The following PDE8A variants were observed in gnomAD, a reference collection of about 807,000 sequenced individuals.
PDE8A encodes high affinity cAMP-specific and IBMX-insensitive 3',5'-cyclic phosphodiesterase 8A.
Under a neutral mutation model 105.0 loss-of-function variants are expected in PDE8A, and 59 were observed. The ratio of observed to expected loss-of-function variants is 0.56; its 90% CI spans 0.46 to 0.70. PDE8A has a LOEUF of 0.70. Among genes scored for constraint, PDE8A ranks in the 30% least tolerant of loss-of-function variants. The pLI is 0.00. For synonymous variants in PDE8A, 355 were observed against 371.9 expected (o/e 0.95, Z 0.52); for missense variants, 1,014 against 1,045.9 (o/e 0.97, Z 0.42).
In PDE8A at chr15:84,982,257, G is replaced by A. The variant is rs2079724973; in HGVS notation, c.95G>A (p.Arg32His). The A allele has an allele frequency of 2.1e-6, 3 of 1,454,630 alleles. No individual in the cohort carries two copies. Among genetic ancestry groups the A allele is most frequent in the Non-Finnish European group, 1.8e-6 (2 of 1,111,822 alleles). 90.1% of individuals were successfully genotyped at this position (1,454,630 alleles called of 1,614,324 possible). The change falls in exon 1 of 22, where the codon CGC (arginine) becomes CAC (histidine). Residue 32 changes from arginine (R) to histidine (H), a missense_variant. Arg to His is a conservative substitution (Grantham distance 29, BLOSUM62 0). Transcript: ENST00000394553. The stretch of plus-strand genomic sequence containing the variant: ...CCGCCGCTGTCGTCCGGCGGGCCGC[G>A]CCTCCCGCAGGGCCAGAAGACGGCC... The part of the protein sequence containing the change: ...AAPPLSSGGP[R>H]LPQGQKTAAL...
chr15:85,038,413 C>T (rs139121982), intron 1 of PDE8A, among the ~76,000 whole-genome samples: 113 of 152,278 alleles, frequency 7.4e-4, no homozygotes, highest in African/African-American at 2.6e-3. Context: ...TCTAACTTAT[C>T]AGTCTTTTCC....
intron 20 of PDE8A, among the ~76,000 whole-genome samples, chr15:85,128,768 G>A (rs1478625555): frequency 6.6e-6 from 1 of 152,106 alleles, no homozygotes; most frequent in Non-Finnish European, 1.5e-5. Context: ...AAGCCAATAA[G>A]CACATGAAAA....
In PDE8A at chr15:85,128,052, CAAAAAAAAAA is replaced by C. The variant is rs61221393; in HGVS notation, c.2253+1690_2253+1699del. 1.0e-4 allele frequency among the ~76,000 whole-genome samples: 6 copies of C among 57,236 alleles called. No homozygotes were observed. The East Asian group carries it at 2.4e-3, about 23-fold the overall frequency. 37.5% of individuals were successfully genotyped at this position (57,236 alleles called of 152,430 possible). On this transcript the variant is annotated intron_variant, in intron 20 of 21. Coordinates refer to ENST00000394553, the MANE Select transcript of PDE8A (RefSeq NM_002605.3). ...GTTAGGATAATTGGATATTCCTATG[CAAAAAAAAAA>C]AAAAAAAAAAAGAACCACAACTCCT... is the stretch of plus-strand genomic sequence containing the variant.
intron 19 of PDE8A, among the ~76,000 whole-genome samples, chr15:85,125,219 T>C (rs950972511): frequency 6.6e-6 from 1 of 152,164 alleles, no homozygotes; most frequent in African/African-American, 2.4e-5. Flanking sequence ...TGGCAGTCTG[T>C]TCCCTCTGAG....
chr15:84,985,856 A>G (rs1488492548), intron 1 of PDE8A, among the ~76,000 whole-genome samples: 1 of 152,206 alleles, frequency 6.6e-6, no homozygotes, highest in Non-Finnish European at 1.5e-5. Context: ...ATCTCTGGTT[A>G]TTGCTCTTCA....
At chr15:85,013,619 GAATTA>G (rs1180230212) in intron 1 of PDE8A, among the ~76,000 whole-genome samples, 8 of 152,202 alleles carry the variant, frequency 5.3e-5, no homozygotes, top group Non-Finnish European at 8.8e-5. Flanking sequence ...TACAAAAGTA[GAATTA>G]TGTTGTATTT....
chr15:85,066,433 C>G (rs963139932), intron 2 of PDE8A, among the ~76,000 whole-genome samples: 1 of 151,834 alleles, frequency 6.6e-6, no homozygotes, highest in Non-Finnish European at 1.5e-5. Flanking sequence ...TGTGGTGGCG[C>G]ACACCTGTAA....
intron 1 of PDE8A, among the ~76,000 whole-genome samples, chr15:84,986,156 G>A (rs2079798851): frequency 6.6e-6 from 1 of 152,164 alleles, no homozygotes; most frequent in Non-Finnish European, 1.5e-5. Context: ...GAGGTAAGAA[G>A]TTCAAGGTTG....
intron 20 of PDE8A, 74 bp downstream of exon 20, chr15:85,126,448 C>A: frequency 9.1e-7 from 1 of 1,098,572 alleles, no homozygotes; most frequent in Non-Finnish European, 1.2e-6. Context: ...AGATAATGGA[C>A]TTAACACTAG....
chr15:85,062,417 A>G (rs2081160690), intron 1 of PDE8A: 1 of 152,208 alleles, frequency 6.6e-6, no homozygotes, highest in African/African-American at 2.4e-5. Flanking sequence ...TCAATGCCTT[A>G]GTCCCTAATG....
In PDE8A at chr15:85,138,628, T is replaced by C. The variant is rs903422888; in HGVS notation, c.*725T>C. 6.6e-6 allele frequency: 1 copy of C among 152,548 alleles called. No individual in the cohort carries two copies. Among genetic ancestry groups the C allele is most frequent in the Non-Finnish European group, 1.5e-5 (1 of 68,040 alleles). The allele number at this position is 152,548 out of a possible 1,614,324, so 9.4% of individuals were successfully genotyped here. A position where few individuals can be genotyped will look rare whatever the true frequency, so the allele number is the denominator to read the frequency against. Reference sequence around the variant, plus strand: ...ACTGCACTATAGAAATATTCATGTATGTTAAACTTTTCTGATTGAGGCTAA... The same window carrying C: ...ACTGCACTATAGAAATATTCATGTACGTTAAACTTTTCTGATTGAGGCTAA... On this transcript the variant is annotated 3_prime_UTR_variant, in exon 22 of 22. Coordinates refer to ENST00000394553, the MANE Select transcript of PDE8A (RefSeq NM_002605.3).
chr15:84,995,493 AT>A (rs1184372132), intron 1 of PDE8A, among the ~76,000 whole-genome samples: 1 of 151,754 alleles, frequency 6.6e-6, no homozygotes, highest in African/African-American at 2.4e-5. Context: ...AATTAAAAAA[AT>A]TTTTTTTGTA....
At chr15:85,057,364 G>A (rs1037038439) in intron 1 of PDE8A, among the ~76,000 whole-genome samples, 4 of 152,246 alleles carry the variant, frequency 2.6e-5, no homozygotes, top group Non-Finnish European at 5.9e-5. Flanking sequence ...TAAGTCTGCA[G>A]AAGTTTCTGC....
At chr15:85,129,178 G>A (rs2082297740) in intron 20 of PDE8A, among the ~76,000 whole-genome samples, 1 of 152,112 alleles carries the variant, frequency 6.6e-6, no homozygotes, top group Non-Finnish European at 1.5e-5. Context: ...AAGGATTTGT[G>A]CATCAGTATT....
intron 1 of PDE8A, among the ~76,000 whole-genome samples, chr15:84,991,121 A>AAGTT (rs2079878963): frequency 6.6e-6 from 1 of 152,212 alleles, no homozygotes; most frequent in African/African-American, 2.4e-5. Flanking sequence ...CTGATTAAGC[A>AAGTT]AGTTACACAA....
At chr15:85,074,410 G>A (rs1172587142) in intron 3 of PDE8A, among the ~76,000 whole-genome samples, 1 of 152,210 alleles carries the variant, frequency 6.6e-6, no homozygotes, top group African/African-American at 2.4e-5. Context: ...AGACTGGGGC[G>A]GGGGCATTTG....
intron 1 of PDE8A, among the ~76,000 whole-genome samples, chr15:85,036,487 C>G (rs542786984): frequency 6.6e-6 from 1 of 152,226 alleles, no homozygotes; most frequent in Non-Finnish European, 1.5e-5. Flanking sequence ...TCAACCCTTC[C>G]CTCCCACCAA....
intron 1 of PDE8A, among the ~76,000 whole-genome samples, chr15:85,013,497 A>G (rs2080273483): frequency 6.6e-6 from 1 of 152,170 alleles, no homozygotes; most frequent in Non-Finnish European, 1.5e-5. Flanking sequence ...CTCTCCTTCA[A>G]TTTAATCTAT....
chr15:85,079,662 C>T (rs1489145371), intron 5 of PDE8A, among the ~76,000 whole-genome samples: 2 of 152,182 alleles, frequency 1.3e-5, no homozygotes, highest in African/African-American at 4.8e-5. Flanking sequence ...CCTGTAATCC[C>T]AACACTTTGG....
Sources: gnomAD v4.1 joint callset for allele counts (sites outside exome capture counted in the v4.1 genomes callset) on GRCh38, gnomAD v4.1.1 for gene constraint, MANE v1.5 for transcripts, NCBI Gene and HGNC (gene_info 2026-07-23, HGNC 2026-07-21) for gene names.